The following TRIM63 variants were observed in gnomAD, a reference collection of about 807,000 sequenced individuals.
The protein encoded by TRIM63 is E3 ubiquitin-protein ligase TRIM63.
TRIM63 carries 48 observed loss-of-function variants against 46.0 expected under a neutral mutation model. That is an observed-to-expected ratio of 1.04 (90% CI 0.83 to 1.33). TRIM63 has a LOEUF of 1.33. Ranked by LOEUF, TRIM63 falls within the 40% of genes most tolerant of loss-of-function variation. The pLI is 0.00. For synonymous variants in TRIM63, 175 were observed against 162.8 expected (o/e 1.08, Z -0.57); for missense variants, 455 against 441.2 (o/e 1.03, Z -0.28).
intron 2 of TRIM63, among the ~76,000 whole-genome samples, chr1:26,064,618 T>A (rs956624523): frequency 2.0e-5 from 3 of 152,038 alleles, no homozygotes; most frequent in Admixed American, 2.0e-4. Flanking sequence ...TGCCTGAAAG[T>A]ACTTAGAACA....
At chr1:26,066,169 T>C in intron 2 of TRIM63, 99 bp downstream of exon 2, 1 of 1,386,204 alleles carries the variant, frequency 7.2e-7, no homozygotes, top group Non-Finnish European at 1.0e-6. Context: ...GCTAGAGGCC[T>C]GGATCCTGAG....
chr1:26,063,056 C>CTTTGTTTG (rs71004562), intron 2 of TRIM63, among the ~76,000 whole-genome samples: 6,140 of 149,530 alleles, frequency 0.041, 276 homozygotes, highest in African/African-American at 0.11. Flanking sequence ...AGCACCCAGC[C>CTTTGTTTG]TTTGTTTGTT....
At chr1:26,054,116 A>G in intron 7 of TRIM63, 152 bp from the exon 8 acceptor site, 1 of 560,480 alleles carries the variant, frequency 1.8e-6, no homozygotes, top group African/African-American at 2.0e-5. Context: ...CTGGGAGGGG[A>G]TGGGCTTGCC....
At chr1:26,058,327 A>G in intron 5 of TRIM63, 63 bp downstream of exon 5, 1 of 1,450,516 alleles carries the variant, frequency 6.9e-7, no homozygotes, top group Non-Finnish European at 9.6e-7. Context: ...GGGGAAGCAT[A>G]ACTTGAACCT....
At chr1:26,054,893 A>G (rs1295790358) in intron 7 of TRIM63, among the ~76,000 whole-genome samples, 4 of 151,608 alleles carry the variant, frequency 2.6e-5, no homozygotes, top group African/African-American at 9.7e-5. Flanking sequence ...TCTTGAACCC[A>G]GGAGGCAAAC....
intron 8 of TRIM63, among the ~76,000 whole-genome samples, chr1:26,053,249 G>GTATT (rs953015539): frequency 4.6e-5 from 7 of 151,810 alleles, no homozygotes; most frequent in Non-Finnish European, 1.0e-4. Flanking sequence ...CAGCCAGCAA[G>GTATT]TATTTATTTA....
intron 4 of TRIM63, among the ~76,000 whole-genome samples, chr1:26,059,244 G>A (rs1048808943): frequency 4.6e-5 from 7 of 151,950 alleles, no homozygotes; most frequent in African/African-American, 1.7e-4. Context: ...GGATGGTCTC[G>A]ATCTCCTGAC....
intron 2 of TRIM63, among the ~76,000 whole-genome samples, chr1:26,065,312 C>T (rs980523057): frequency 1.3e-5 from 2 of 151,018 alleles, no homozygotes; most frequent in Non-Finnish European, 2.9e-5. Flanking sequence ...GTGTGGGCCA[C>T]CGCACCCGGC....
intron 2 of TRIM63, among the ~76,000 whole-genome samples, chr1:26,062,502 C>T (rs1287385799): frequency 6.6e-6 from 1 of 152,138 alleles, no homozygotes; most frequent in African/African-American, 2.4e-5. Flanking sequence ...ATGAGGTTGC[C>T]CCTGAGGCTC....
intron 1 of TRIM63, 81 bp from the exon 2 acceptor site, chr1:26,066,521 C>T: frequency 1.5e-6 from 2 of 1,347,084 alleles, no homozygotes; most frequent in Non-Finnish European, 2.0e-6. Flanking sequence ...ATCCTTTCCT[C>T]TGCCTATCCG....
rs1202621698 is a variant in TRIM63 at position 26,061,182 on chromosome 1, A to T, written c.485T>A (p.Val162Asp). Residue 162 changes from valine (V) to aspartate (D), a missense_variant, in exon 3 of 9, where the codon GTC (valine) becomes GAC (aspartate). Physicochemically the swap from Val to Asp is radical, Grantham distance 152. Transcript: ENST00000374272. The part of the protein sequence containing the change: ...KACEVAPLQS[V>D]FQGQKTELNN... ...AGACAGTACCTTTTGTCCCTGGAAG[A>T]CACTCTGCAATGGGGCCACCTCGCA... 1 of 1,613,982 alleles carries T rather than the reference A, an allele frequency of 6.2e-7. No individual in the cohort carries two copies. The highest frequency in any genetic ancestry group is 1.1e-5 in the South Asian group (1 of 91,066).
intron 2 of TRIM63, 145 bp from the exon 3 acceptor site, chr1:26,061,479 G>T: frequency 1.2e-6 from 1 of 837,766 alleles, no homozygotes; most frequent in Non-Finnish European, 1.8e-6. Context: ...GTGTGTCTGT[G>T]AATCTCCAGA....
At position 26,051,835 on chromosome 1, in the gene TRIM63, T is replaced by C. The variant is rs758444115; in HGVS notation, c.*38A>G. ...CTGGGCCCCTCCCCACCCTCTCCAG[T>C]CTCTCTGCATCTGGGGGCCTCTCAT... On this transcript the variant is annotated 3_prime_UTR_variant, in exon 9 of 9. Coordinates refer to ENST00000374272, the MANE Select transcript of TRIM63 (RefSeq NM_032588.4). The C allele has an allele frequency of 4.0e-6, 5 of 1,260,128 alleles. No homozygotes were observed. The highest frequency in any genetic ancestry group is 6.5e-5 in the Admixed American group (2 of 30,998). The allele number at this position is 1,260,128 out of a possible 1,614,324, so 78.1% of individuals were successfully genotyped here. A position where few individuals can be genotyped will look rare whatever the true frequency, so the allele number is the denominator to read the frequency against.
At chr1:26,065,950 A>T (rs887536797) in intron 2 of TRIM63, among the ~76,000 whole-genome samples, 2 of 152,174 alleles carry the variant, frequency 1.3e-5, no homozygotes, top group Non-Finnish European at 2.9e-5. Context: ...CTCACCGGGC[A>T]TTTTCTCTGC....
intron 4 of TRIM63, among the ~76,000 whole-genome samples, chr1:26,059,023 CTTTTT>C (rs986591996): frequency 8.6e-6 from 1 of 116,940 alleles, no homozygotes. Flanking sequence ...CTCTGTTGCC[CTTTTT>C]TTTTTTTTTT....
chr1:26,059,408 C>T (rs1168685547), intron 4 of TRIM63, among the ~76,000 whole-genome samples: 2 of 152,118 alleles, frequency 1.3e-5, no homozygotes, highest in South Asian at 2.1e-4. Flanking sequence ...TGTCCCAGTT[C>T]ACACTCTTCC....
At chr1:26,065,087 G>T (rs900013655) in intron 2 of TRIM63, among the ~76,000 whole-genome samples, 1 of 146,224 alleles carries the variant, frequency 6.8e-6, no homozygotes, top group African/African-American at 2.6e-5. Context: ...GCAGTGGCAC[G>T]ATCTCTGCTC....
intron 8 of TRIM63, among the ~76,000 whole-genome samples, chr1:26,053,531 TTTTG>T (rs562783653): frequency 1.2e-4 from 19 of 152,200 alleles, no homozygotes; most frequent in African/African-American, 2.7e-4. Flanking sequence ...CAGCAAGTAG[TTTTG>T]TTTGTTTGTT....
intron 7 of TRIM63, among the ~76,000 whole-genome samples, chr1:26,056,478 C>G (rs937242362): frequency 1.3e-5 from 2 of 152,148 alleles, no homozygotes; most frequent in African/African-American, 4.8e-5. Flanking sequence ...TTTTTTGCAA[C>G]AGCACCATGA....
Sources: allele counts gnomAD v4.1 joint callset (sites outside exome capture counted in the v4.1 genomes callset), GRCh38; gene constraint gnomAD v4.1.1; transcripts MANE v1.5; gene names NCBI Gene and HGNC (gene_info 2026-07-23, HGNC 2026-07-21).